TTLL11: variants seen among roughly 807,000 people sequenced by gnomAD.
TTLL11 encodes tubulin polyglutamylase TTLL11.
Under a neutral mutation model 51.7 loss-of-function variants are expected in TTLL11, and 42 were observed. The observed-to-expected ratio is 0.81, with a 90% CI of 0.64 to 1.05. TTLL11 has a LOEUF of 1.05. Ranked by LOEUF, TTLL11 falls within the 50% of genes least tolerant of loss-of-function variation. TTLL11 has a pLI of 0.00. For missense variants in TTLL11, 799 were observed against 940.4 expected, an observed-to-expected ratio of 0.85 and a Z score of 1.97; for synonymous variants, 381 against 383.5, an observed-to-expected ratio of 0.99 and a Z score of 0.08.
intron 8 of TTLL11, among the ~76,000 whole-genome samples, chr9:121,844,791 A>G (rs1289647924): frequency 6.6e-6 from 1 of 151,908 alleles, no homozygotes. Flanking sequence ...GCTTGAAGAT[A>G]TGTCAATAGG....
At chr9:121,950,784 C>T (rs1261830494) in intron 6 of TTLL11, among the ~76,000 whole-genome samples, 1 of 152,170 alleles carries the variant, frequency 6.6e-6, no homozygotes, top group Non-Finnish European at 1.5e-5. Flanking sequence ...AGGAGCTTGT[C>T]GCCTGGGCTC....
chr9:121,930,738 C>T (rs2131551447), intron 6 of TTLL11, among the ~76,000 whole-genome samples: 1 of 152,342 alleles, frequency 6.6e-6, no homozygotes, highest in South Asian at 2.1e-4. Flanking sequence ...CTGCACCACT[C>T]TATGTGTGGA....
chr9:122,029,677 A>G (rs1199556261), intron 3 of TTLL11, among the ~76,000 whole-genome samples: 1 of 152,222 alleles, frequency 6.6e-6, no homozygotes, highest in Non-Finnish European at 1.5e-5. Flanking sequence ...AAGTTACAGT[A>G]AGCTAAGGCT....
At chr9:121,935,486 C>T (rs953250802) in intron 6 of TTLL11, among the ~76,000 whole-genome samples, 15 of 152,148 alleles carry the variant, frequency 9.9e-5, no homozygotes, top group Admixed American at 2.6e-4. Flanking sequence ...CCTTGTCAGG[C>T]ATTTAAAATT....
chr9:121,907,641 C>T (rs960260787), intron 6 of TTLL11, among the ~76,000 whole-genome samples: 4 of 152,134 alleles, frequency 2.6e-5, no homozygotes, highest in African/African-American at 9.7e-5. Context: ...TGTGTGTCAA[C>T]CCTGCTATCT....
chr9:121,999,973 A>G (rs1432791541), intron 3 of TTLL11, among the ~76,000 whole-genome samples: 1 of 152,248 alleles, frequency 6.6e-6, no homozygotes, highest in East Asian at 1.9e-4. Flanking sequence ...AGTTCCTAGA[A>G]GAATGCTCAC....
At chr9:121,832,811 GCA>G (rs1837060570) in intron 8 of TTLL11, among the ~76,000 whole-genome samples, 1 of 152,148 alleles carries the variant, frequency 6.6e-6, no homozygotes, top group Admixed American at 6.5e-5. Context: ...ATGGTGGCAC[GCA>G]CCTGAAGTCC....
Position 121,989,582 on chromosome 9 carries a change from G to T in TTLL11, c.882C>A (p.Leu294=). ...YICKPLLIDK[L]KFDIRLYVLL... ...AGACATACAGACGAATATCAAACTTGAGCTTGTCGATAAGGAGAGGTTTGC... is the reference window on the plus strand; with the variant it reads ...AGACATACAGACGAATATCAAACTTTAGCTTGTCGATAAGGAGAGGTTTGC... The change falls in exon 4 of 9, where the codon CTC becomes CTA. Residue 294 remains leucine (L), a synonymous_variant. Transcript: ENST00000321582. The surrounding 1 kb of genome is among the most constrained non-coding windows in gnomAD (Gnocchi z 4.2). 2.5e-6 allele frequency: 4 copies of T among 1,614,086 alleles called. No homozygotes were observed. Among genetic ancestry groups the T allele is most frequent in the South Asian group, 1.1e-5 (1 of 91,054 alleles).
intron 6 of TTLL11, among the ~76,000 whole-genome samples, chr9:121,948,519 T>C (rs1188470170): frequency 1.3e-5 from 2 of 152,216 alleles, no homozygotes; most frequent in East Asian, 1.9e-4. Context: ...GGTGATTACA[T>C]GCCGCTCTCC....
chr9:121,896,878 G>A (rs972068666), intron 6 of TTLL11, among the ~76,000 whole-genome samples: 6 of 152,190 alleles, frequency 3.9e-5, no homozygotes, highest in Non-Finnish European at 8.8e-5. Flanking sequence ...GGGATCCGAG[G>A]CACGAACCAG....
chr9:121,859,107 C>T (rs1356420990), intron 8 of TTLL11, among the ~76,000 whole-genome samples: 1 of 125,822 alleles, frequency 7.9e-6, no homozygotes, highest in Non-Finnish European at 1.7e-5. Context: ...TTTACCGGGA[C>T]ATTTAATGAG....
At chr9:121,833,376 T>G (rs183159675) in intron 8 of TTLL11, among the ~76,000 whole-genome samples, 4 of 152,246 alleles carry the variant, frequency 2.6e-5, no homozygotes, top group African/African-American at 9.6e-5. Context: ...AGCCCCCTGC[T>G]CTCCACTCCC....
intron 1 of TTLL11, among the ~76,000 whole-genome samples, chr9:122,074,385 T>C (rs117118886): frequency 1.3e-5 from 2 of 152,356 alleles, no homozygotes; most frequent in East Asian, 3.9e-4. Flanking sequence ...AAATGGATTA[T>C]TCATGATAAC....
intron 6 of TTLL11, among the ~76,000 whole-genome samples, chr9:121,912,475 C>A (rs770138678): frequency 3.3e-5 from 5 of 151,730 alleles, no homozygotes; most frequent in Non-Finnish European, 2.9e-5. Context: ...CCCCCTTCTG[C>A]TCGGAATGCC....
At chr9:122,010,259 T>C (rs1303315642) in intron 3 of TTLL11, among the ~76,000 whole-genome samples, 1 of 152,164 alleles carries the variant, frequency 6.6e-6, no homozygotes, top group Non-Finnish European at 1.5e-5. Context: ...GAAAACCATG[T>C]CGACTCCCTC....
chr9:121,817,756 G>A lies in TTLL11; in HGVS notation c.*4831C>T, dbSNP rs1240341466. The A allele has an allele frequency of 2.0e-5, 3 of 152,250 alleles. No homozygotes were observed. The highest frequency in any genetic ancestry group is 4.8e-5 in the African/African-American group (2 of 41,432). The allele number at this position is 152,250 out of a possible 1,614,324, so 9.4% of individuals were successfully genotyped here. A position where few individuals can be genotyped will look rare whatever the true frequency, so the allele number is the denominator to read the frequency against. On this transcript the variant is annotated 3_prime_UTR_variant, in exon 9 of 9. Transcript: ENST00000321582. ...AGGAGTGTGGGATCTGGAGCCAGCC[G>A]GGGGGCTCAGGTGGATCCTGGCTCT...
chr9:122,081,209 T>C (rs1845996844), intron 1 of TTLL11, among the ~76,000 whole-genome samples: 1 of 152,146 alleles, frequency 6.6e-6, no homozygotes, highest in South Asian at 2.1e-4. Flanking sequence ...GGCCAGGAAC[T>C]CACGCTCTCT....
At chr9:121,876,801 A>T (rs1838581759) in intron 6 of TTLL11, among the ~76,000 whole-genome samples, 1 of 152,188 alleles carries the variant, frequency 6.6e-6, no homozygotes, top group Non-Finnish European at 1.5e-5. Flanking sequence ...ACTTGTTAGT[A>T]ATGTACATTC....
intron 4 of TTLL11, among the ~76,000 whole-genome samples, chr9:121,983,094 G>A (rs988298167): frequency 1.3e-4 from 20 of 152,218 alleles, no homozygotes; most frequent in African/African-American, 4.8e-4. Context: ...GGCAACAGTG[G>A]AGTTGGTTAG....
Sources: gnomAD v4.1 joint callset for allele counts (sites outside exome capture counted in the v4.1 genomes callset) on GRCh38, gnomAD v4.1.1 for gene constraint, Gnocchi (gnomAD v3.1) non-coding constraint, MANE v1.5 for transcripts, NCBI Gene and HGNC (gene_info 2026-07-23, HGNC 2026-07-21) for gene names.